The following PRKCH variants were observed in gnomAD, a reference collection of about 807,000 sequenced individuals.
PRKCH encodes protein kinase C eta type.
In PRKCH, 28 loss-of-function variants were observed where a neutral mutation model predicts 82.5. The ratio of observed to expected loss-of-function variants is 0.34; its 90% CI spans 0.25 to 0.47. PRKCH has a LOEUF of 0.47. Among genes scored for constraint, PRKCH ranks in the 20% least tolerant of loss-of-function variants. PRKCH has a pLI of 1.00. For missense variants in PRKCH, 705 were observed against 881.8 expected, an observed-to-expected ratio of 0.80 and a Z score of 2.54; for synonymous variants, 322 against 327.4, an observed-to-expected ratio of 0.98 and a Z score of 0.18.
chr14:61,227,534 T>C (rs548367755), intron 1 of PRKCH, among the ~76,000 whole-genome samples: 4 of 152,104 alleles, frequency 2.6e-5, no homozygotes, highest in Non-Finnish European at 4.4e-5. Context: ...GCAGAGCTTG[T>C]AGTGAGCAGA....
intron 10 of PRKCH, among the ~76,000 whole-genome samples, chr14:61,500,859 T>C (rs1886874430): frequency 1.3e-5 from 2 of 152,070 alleles, no homozygotes; most frequent in Admixed American, 6.5e-5. Context: ...TATGTCAAAA[T>C]AGAGGTACCT....
upstream of PRKCH, among the ~76,000 whole-genome samples, chr14:61,316,726 T>C (rs371330623): frequency 1.7e-4 from 26 of 152,346 alleles, no homozygotes; most frequent in East Asian, 4.6e-3. Context: ...CCTGACCTTA[T>C]GTCACATAAC....
chr14:61,190,358 A>C (rs773783382), intron 1 of PRKCH, among the ~76,000 whole-genome samples: 1 of 152,220 alleles, frequency 6.6e-6, no homozygotes, highest in Non-Finnish European at 1.5e-5. Flanking sequence ...CATTGTCCCC[A>C]AAAGAGAGAC....
At chr14:61,460,376 G>T (rs1193829597) in intron 9 of PRKCH, among the ~76,000 whole-genome samples, 8 of 152,094 alleles carry the variant, frequency 5.3e-5, no homozygotes, top group Non-Finnish European at 1.2e-4. Context: ...GCTTATGCTG[G>T]TGTTTCTGTA....
chr14:61,306,368 T>C (rs1254396060), intron 1 of PRKCH: 1 of 152,298 alleles, frequency 6.6e-6, no homozygotes, highest in Non-Finnish European at 1.5e-5. Flanking sequence ...CCTTTCTTTG[T>C]GGTATTCTGT....
intron 12 of PRKCH, among the ~76,000 whole-genome samples, chr14:61,542,555 C>T (rs2043202032): frequency 6.6e-6 from 1 of 152,094 alleles, no homozygotes; most frequent in South Asian, 2.1e-4. Flanking sequence ...TTTCCAAAGA[C>T]CATTCCTCCC....
At chr14:61,239,686 A>G (rs563437651) in intron 1 of PRKCH, among the ~76,000 whole-genome samples, 2 of 152,276 alleles carry the variant, frequency 1.3e-5, no homozygotes, top group Non-Finnish European at 2.9e-5. Flanking sequence ...AAAATGAAAC[A>G]ATTCCTTCAC....
chr14:61,402,372 G>C (rs1010733518), intron 2 of PRKCH, among the ~76,000 whole-genome samples: 2 of 152,174 alleles, frequency 1.3e-5, no homozygotes, highest in African/African-American at 2.4e-5. Context: ...TATTAAAGAA[G>C]AATATCTGCA....
chr14:61,370,856 G>A (rs2046357002), intron 1 of PRKCH, among the ~76,000 whole-genome samples: 1 of 152,054 alleles, frequency 6.6e-6, no homozygotes, highest in South Asian at 2.1e-4. Context: ...TTCTCCAGGG[G>A]TGTGGATAAC....
intron 2 of PRKCH, among the ~76,000 whole-genome samples, chr14:61,422,258 G>C (rs1882875921): frequency 6.6e-6 from 1 of 151,922 alleles, no homozygotes; most frequent in Non-Finnish European, 1.5e-5. Context: ...TAAATATTTT[G>C]TTTTTCTGTA....
intron 9 of PRKCH, among the ~76,000 whole-genome samples, chr14:61,466,351 A>G (rs1324630988): frequency 6.6e-6 from 1 of 152,190 alleles, no homozygotes. Flanking sequence ...CGAAATTCAC[A>G]TCACACTCCT....
intron 1 of PRKCH, among the ~76,000 whole-genome samples, chr14:61,384,815 C>T (rs2046563039): frequency 6.6e-6 from 1 of 152,012 alleles, no homozygotes; most frequent in Admixed American, 6.5e-5. Flanking sequence ...AAGTGTAGAA[C>T]AGAGTAGTAG....
chr14:61,281,225 C>G (rs950132347), intron 1 of PRKCH: 1 of 971,866 alleles, frequency 1.0e-6, no homozygotes, highest in Non-Finnish European at 1.4e-6. Flanking sequence ...CCGCGCCGCG[C>G]AAGCCCGGGG....
intron 1 of PRKCH, among the ~76,000 whole-genome samples, chr14:61,200,365 G>A (rs1594848681): frequency 6.6e-6 from 1 of 151,458 alleles, no homozygotes; most frequent in East Asian, 1.9e-4. Context: ...ACACTCATAT[G>A]CTACTGTTTA....
intron 9 of PRKCH, among the ~76,000 whole-genome samples, chr14:61,484,620 C>A (rs147333351): frequency 2.0e-3 from 302 of 152,220 alleles, no homozygotes; most frequent in African/African-American, 6.9e-3. Context: ...TTTTAAGAGT[C>A]CACTTTTACC....
At chr14:61,462,540 G>A (rs138489051) in intron 9 of PRKCH, among the ~76,000 whole-genome samples, 3 of 152,312 alleles carry the variant, frequency 2.0e-5, no homozygotes, top group Non-Finnish European at 4.4e-5. Context: ...CTGTGCATTC[G>A]TCTGTTGGAA....
chr14:61,309,151 C>T (rs928232204), intron 1 of PRKCH, among the ~76,000 whole-genome samples: 2 of 151,848 alleles, frequency 1.3e-5, no homozygotes, highest in Non-Finnish European at 2.9e-5. Context: ...GGTGTGGTGG[C>T]ACAAGCCTGT....
intron 1 of PRKCH, chr14:61,303,041 C>A (rs977520401): frequency 9.3e-4 from 106 of 114,566 alleles, no homozygotes; most frequent in African/African-American, 3.1e-3. Context: ...GAGACAGGGT[C>A]TCACTCTGTC....
chr14:61,188,210 T>A (rs945550643), intron 1 of PRKCH, among the ~76,000 whole-genome samples: 7 of 152,246 alleles, frequency 4.6e-5, no homozygotes, highest in Non-Finnish European at 8.8e-5. Context: ...CTGTCCTGTC[T>A]TGAGAGACAA....
Sources: allele counts gnomAD v4.1 joint callset (sites outside exome capture counted in the v4.1 genomes callset), GRCh38; gene constraint gnomAD v4.1.1; transcripts MANE v1.5; gene names NCBI Gene and HGNC (gene_info 2026-07-23, HGNC 2026-07-21).